RAD50: variants seen among roughly 807,000 people sequenced by gnomAD.
RAD50 encodes RAD50 double strand break repair protein.
A neutral mutation model predicts 168.8 loss-of-function variants in RAD50; 132 were observed. The ratio of observed to expected loss-of-function variants is 0.78; its 90% CI spans 0.68 to 0.90. RAD50 has a LOEUF of 0.90. Ranked by LOEUF, RAD50 falls within the 40% of genes least tolerant of loss-of-function variation. The probability of loss-of-function intolerance (pLI) is 0.00; values close to 1 mark genes in which losing one functional copy is unlikely to be tolerated. For missense variants in RAD50, 1,347 were observed against 1,534.4 expected (o/e 0.88, Z 2.04); for synonymous variants, 525 against 497.4 (o/e 1.06, Z -0.74).
chr5:132,570,836 C>T (rs1409863033), intron 2 of RAD50, among the ~76,000 whole-genome samples: 20 of 152,144 alleles, frequency 1.3e-4, no homozygotes, highest in Admixed American at 9.8e-4. Context: ...TGAAAGAGGC[C>T]TAACTTTCAA....
intron 21 of RAD50, among the ~76,000 whole-genome samples, 180 bp downstream of exon 21, chr5:132,618,474 G>C (rs1253504527): frequency 6.6e-6 from 1 of 152,216 alleles, no homozygotes; most frequent in Non-Finnish European, 1.5e-5. Flanking sequence ...TGCCTCCCGG[G>C]TTCAAATGAT....
chr5:132,588,649 C>A (rs104895045), intron 7 of RAD50, 38 bp from the exon 8 acceptor site: 1 of 1,573,718 alleles, frequency 6.4e-7, no homozygotes. Context: ...TTTTAAGCAC[C>A]AGTTGAAAAA....
intron 21 of RAD50, among the ~76,000 whole-genome samples, chr5:132,632,541 G>A (rs1751496226): frequency 6.6e-6 from 1 of 151,936 alleles, no homozygotes; most frequent in Non-Finnish European, 1.5e-5. Flanking sequence ...CAAGTACCTT[G>A]TATTTTTAAT....
intron 2 of RAD50, among the ~76,000 whole-genome samples, chr5:132,567,409 A>G (rs972134198): frequency 1.3e-5 from 2 of 152,210 alleles, no homozygotes; most frequent in African/African-American, 4.8e-5. Flanking sequence ...AACACTTTGT[A>G]AACTTTGGCA....
intron 2 of RAD50, among the ~76,000 whole-genome samples, chr5:132,567,704 C>T (rs1433412277): frequency 1.3e-5 from 2 of 152,150 alleles, no homozygotes; most frequent in Admixed American, 6.5e-5. Context: ...CTAAAGGTCA[C>T]ACAATGCTGT....
At chr5:132,613,948 A>C (rs1179136449) in intron 19 of RAD50, among the ~76,000 whole-genome samples, 2 of 152,182 alleles carry the variant, frequency 1.3e-5, no homozygotes, top group Non-Finnish European at 1.5e-5. Flanking sequence ...TGTTATAAGC[A>C]AACTGAGGTT....
rs547635514 is a variant in RAD50 at position 132,611,264 on chromosome 5, G to A, written c.3036+1868G>A. 1.4e-4 allele frequency among the ~76,000 whole-genome samples: 21 copies of A among 152,156 alleles called. No homozygotes were observed. In the South Asian group the frequency reaches 1.9e-3, roughly 14 times the overall value. The stretch of plus-strand genomic sequence containing the variant: ...AAATTAGCCAGGTGTGGTGACACGC[G>A]CCTGTAATCCCAGGTACTCAGGAGG... On this transcript the variant is annotated intron_variant, in intron 19 of 24. Coordinates refer to ENST00000378823, the MANE Select transcript of RAD50 (RefSeq NM_005732.4).
At chr5:132,580,297 G>A (rs1458864007) in intron 5 of RAD50, among the ~76,000 whole-genome samples, 3 of 151,986 alleles carry the variant, frequency 2.0e-5, no homozygotes, top group Non-Finnish European at 4.4e-5. Context: ...TACTAAATAG[G>A]TAGTCCTTTT....
intron 19 of RAD50, among the ~76,000 whole-genome samples, chr5:132,613,943 T>C (rs1293681580): frequency 6.6e-6 from 1 of 152,188 alleles, no homozygotes; most frequent in African/African-American, 2.4e-5. Context: ...GACCATGTTA[T>C]AAGCAAACTG....
intron 21 of RAD50, among the ~76,000 whole-genome samples, chr5:132,629,527 C>T (rs2149858840): frequency 6.6e-6 from 1 of 152,242 alleles, no homozygotes; most frequent in East Asian, 1.9e-4. Context: ...GTTCTCTTAC[C>T]TGGTACTCAG....
At position 132,588,739 on chromosome 5, in the gene RAD50, T is replaced by G. The variant is rs1366484351; in HGVS notation, c.1104T>G (p.Asp368Glu). The change falls in exon 8 of 25, where the codon GAT becomes GAG. Residue 368 changes from aspartate (D) to glutamate (E), a missense_variant. Asp to Glu is a conservative substitution (Grantham distance 45, BLOSUM62 2). This residue lies in a region of RAD50 where 703 missense variants were observed against 767.7 expected (regional missense o/e 0.92). Coordinates refer to ENST00000378823, the MANE Select transcript of RAD50 (RefSeq NM_005732.4). ...DRHQEHIRAR[D>E]SLIQSLATQL... ...ATCAAGAACATATCCGAGCTAGAGA[T>G]TCATTAATTCAGTCTTTGGCAACAC... 1.2e-6 allele frequency: 2 copies of G among 1,613,832 alleles called. No homozygotes were observed. Among genetic ancestry groups the G allele is most frequent in the Non-Finnish European group, 8.5e-7 (1 of 1,179,946 alleles).
At chr5:132,634,896 G>A (rs1366823651) in intron 21 of RAD50, among the ~76,000 whole-genome samples, 1 of 151,894 alleles carries the variant, frequency 6.6e-6, no homozygotes, top group Non-Finnish European at 1.5e-5. Flanking sequence ...AACACTACTT[G>A]GTCATGATAT....
rs754437893 is a variant in RAD50, at chr5:132,624,334, A to ATTC, written c.3389+6043_3389+6045dup. Among the ~76,000 whole-genome samples, 11 of 152,348 alleles carry ATTC rather than the reference A, an allele frequency of 7.2e-5. No individual in the cohort carries two copies. In the East Asian group the frequency reaches 9.6e-4, roughly 13 times the overall value. On this transcript the variant is annotated intron_variant, in intron 21 of 24. Coordinates refer to ENST00000378823, the MANE Select transcript of RAD50 (RefSeq NM_005732.4). ...CAAGAACATAAGCAAAACTTAAGGAATTCTTGCCCAGTAGACTACACATAC... is the reference window on the plus strand; with the variant it reads ...CAAGAACATAAGCAAAACTTAAGGAATTCTTCTTGCCCAGTAGACTACACATAC...
At chr5:132,575,297 T>G (rs1301080550) in intron 2 of RAD50, among the ~76,000 whole-genome samples, 2 of 152,152 alleles carry the variant, frequency 1.3e-5, no homozygotes, top group Non-Finnish European at 2.9e-5. Context: ...GGGAAACTCC[T>G]TCTTATAAAA....
At chr5:132,563,394 A>C (rs1750154327) in intron 2 of RAD50, among the ~76,000 whole-genome samples, 1 of 152,240 alleles carries the variant, frequency 6.6e-6, no homozygotes, top group African/African-American at 2.4e-5. Flanking sequence ...TTTAGTGGTG[A>C]AAGAATGAGT....
At chr5:132,617,367 A>G (rs1316642687) in intron 20 of RAD50, among the ~76,000 whole-genome samples, 1 of 152,232 alleles carries the variant, frequency 6.6e-6, no homozygotes. Context: ...AGAAATGCCA[A>G]CAAGACTTGT....
intron 15 of RAD50, 136 bp from the exon 16 acceptor site, chr5:132,604,670 T>C (rs1401656145): frequency 6.8e-6 from 5 of 733,418 alleles, no homozygotes; most frequent in Non-Finnish European, 1.2e-5. Flanking sequence ...GTTCTCATTG[T>C]ATTTTTGTTG....
intron 21 of RAD50, among the ~76,000 whole-genome samples, chr5:132,626,157 C>T (rs62383757): frequency 0.18 from 26,852 of 151,978 alleles, 2,623 homozygotes; most frequent in South Asian, 0.23. Flanking sequence ...CGTGAGCCAC[C>T]GCGCCCGAGA....
chr5:132,579,039 C>CT (rs1372485423), intron 3 of RAD50, among the ~76,000 whole-genome samples: 1 of 152,020 alleles, frequency 6.6e-6, no homozygotes. Context: ...TATAGTATCT[C>CT]TAAGTATTCT....
Sources: allele counts gnomAD v4.1 joint callset (sites outside exome capture counted in the v4.1 genomes callset), GRCh38; gene constraint gnomAD v4.1.1; regional missense constraint gnomAD v4.1.1; transcripts MANE v1.5; gene names NCBI Gene and HGNC (gene_info 2026-07-23, HGNC 2026-07-21).